Variants in RLIG1 observed in about 807,000 individuals in gnomAD.
RLIG1 encodes the protein RNA 5'-phosphate and 3'-OH ligase 1.
chr12:88,046,984 C>G, the RLIG1 span: 4 of 1,592,122 alleles, frequency 2.5e-6, no homozygotes, highest in African/African-American at 1.3e-5. Context: ...AAGGTAATGG[C>G]AAAAATAGCT....
At chr12:88,045,096 T>C in the RLIG1 span, 1 of 154,272 alleles carries the variant, frequency 6.5e-6, no homozygotes, top group South Asian at 2.0e-4. Flanking sequence ...GTGTGAGTAA[T>C]GAAGGAATTC....
chr12:88,048,802 G>T, the RLIG1 span: 2 of 188,472 alleles, frequency 1.1e-5, no homozygotes, highest in Admixed American at 1.2e-4. Context: ...ACCTATATGT[G>T]TGTATGTCTA....
chr12:88,049,901 G>C, the RLIG1 span: 1 of 158,692 alleles, frequency 6.3e-6, no homozygotes, highest in African/African-American at 2.4e-5. Context: ...CTGGTGAAGA[G>C]ACAATTCAAG....
chr12:88,045,462 T>C, the RLIG1 span: 6 of 696,790 alleles, frequency 8.6e-6, no homozygotes, highest in Non-Finnish European at 1.4e-5. Flanking sequence ...TAAAGTAATA[T>C]CTCTTTGCGA....
the RLIG1 span, chr12:88,042,605 A>G: frequency 2.8e-6 from 1 of 353,700 alleles, no homozygotes; most frequent in Non-Finnish European, 5.1e-6. Context: ...AAAAGATCAT[A>G]TATTTACTTT....
chr12:88,042,966 G>A, the RLIG1 span: 1 of 1,256,060 alleles, frequency 8.0e-7, no homozygotes, highest in Non-Finnish European at 1.1e-6. Flanking sequence ...TGAAATTTGT[G>A]GCATATTTAT....
At chr12:88,035,837 A>G in the RLIG1 span, 1 of 1,538,580 alleles carries the variant, frequency 6.5e-7, no homozygotes. Flanking sequence ...GCGCTTTAGA[A>G]CTGCCCTGCA....
At chr12:88,049,390 CT>C in the RLIG1 span, 1 of 1,502,500 alleles carries the variant, frequency 6.7e-7, no homozygotes. Flanking sequence ...TTTTCCAGTT[CT>C]TTTTTCAGCT....
At chr12:88,035,544 T>C in the RLIG1 span, 7 of 1,206,048 alleles carry the variant, frequency 5.8e-6, no homozygotes, top group African/African-American at 1.1e-4. Flanking sequence ...GCGCGGAGTG[T>C]GCGTGGCCTG....
the RLIG1 span, chr12:88,045,767 G>A: frequency 6.2e-7 from 1 of 1,612,344 alleles, no homozygotes; most frequent in African/African-American, 1.3e-5. Flanking sequence ...AAATATCAAT[G>A]GAAACCCATA....
At chr12:88,045,725 C>G in the RLIG1 span, 4 of 1,613,182 alleles carry the variant, frequency 2.5e-6, no homozygotes, top group East Asian at 6.7e-5. Context: ...ACTTTCAGAT[C>G]TCTTAGAACA....
the RLIG1 span, among the ~76,000 whole-genome samples, chr12:88,048,063 G>C: frequency 5.2e-4 from 78 of 151,434 alleles, no homozygotes; most frequent in African/African-American, 1.9e-3. Context: ...GGGGAAGATA[G>C]ACAATAAACA....
chr12:88,039,770 C>T, the RLIG1 span, among the ~76,000 whole-genome samples: 1 of 152,048 alleles, frequency 6.6e-6, no homozygotes, highest in African/African-American at 2.4e-5. Context: ...TCACCCAAGG[C>T]AGGTACTTTT....
At chr12:88,041,267 G>A in the RLIG1 span, among the ~76,000 whole-genome samples, 1 of 152,138 alleles carries the variant, frequency 6.6e-6, no homozygotes, top group Non-Finnish European at 1.5e-5. Flanking sequence ...TTGGTTGCAT[G>A]TATCAGAATT....
At chr12:88,040,173 C>T in the RLIG1 span, 83 of 1,609,618 alleles carry the variant, frequency 5.2e-5, no homozygotes, top group Non-Finnish European at 5.9e-5. Flanking sequence ...GCAACTGAAA[C>T]TGTAAGTCAC....
At chr12:88,036,182 A>G in the RLIG1 span, 1 of 856,538 alleles carries the variant, frequency 1.2e-6, no homozygotes, top group South Asian at 1.5e-5. Context: ...CGGTGTTGAC[A>G]GTAGCCTAAT....
chr12:88,043,613 G>A, the RLIG1 span: 15 of 1,608,232 alleles, frequency 9.3e-6, no homozygotes, highest in African/African-American at 2.7e-5. Context: ...TTTTTGGAAC[G>A]TTGAGGAGGA....
At chr12:88,045,695 T>C in the RLIG1 span, 2 of 1,613,296 alleles carry the variant, frequency 1.2e-6, no homozygotes, top group South Asian at 1.1e-5. Context: ...TTCTGGACTT[T>C]TGGAAATTAG....
the RLIG1 span, chr12:88,042,635 C>A: frequency 5.0e-6 from 2 of 400,632 alleles, no homozygotes; most frequent in Non-Finnish European, 9.0e-6. Flanking sequence ...CCCCCTCATT[C>A]TTTAACCAGA....
Sources: gnomAD v4.1 joint callset for allele counts (sites outside exome capture counted in the v4.1 genomes callset) on GRCh38, gnomAD v4.1.1 for gene constraint, MANE v1.5 for transcripts, NCBI Gene and HGNC (gene_info 2026-07-23, HGNC 2026-07-21) for gene names.